FARP1: variants seen among roughly 807,000 people sequenced by gnomAD.
FARP1 encodes FERM, ARH/RhoGEF and pleckstrin domain protein 1.
In FARP1, 52 loss-of-function variants were observed where a neutral mutation model predicts 128.8. The observed-to-expected ratio is 0.40, with a 90% confidence interval of 0.32 to 0.51. The LOEUF is 0.51. FARP1 is among the 20% of genes least tolerant of loss of function. FARP1 has a pLI of 0.45. For synonymous variants in FARP1, 580 were observed against 551.8 expected (o/e 1.05, Z -0.72); for missense variants, 1,333 against 1,367.9 (o/e 0.97, Z 0.40).
At chr13:98,206,451 CT>C (rs1169392358) in intron 1 of FARP1, among the ~76,000 whole-genome samples, 1 of 152,184 alleles carries the variant, frequency 6.6e-6, no homozygotes, top group Non-Finnish European at 1.5e-5. Context: ...GACTGGTTTG[CT>C]GCTTATTTGA....
intron 2 of FARP1, among the ~76,000 whole-genome samples, chr13:98,283,737 A>G (rs1290165624): frequency 6.6e-6 from 1 of 152,220 alleles, no homozygotes; most frequent in Admixed American, 6.5e-5. Context: ...GTTAGTTTAT[A>G]TATCTCTGCA....
chr13:98,396,212 G>C (rs1211553529), intron 13 of FARP1: 1 of 399,136 alleles, frequency 2.5e-6, no homozygotes, highest in Middle Eastern at 6.3e-4. Flanking sequence ...CCCCCCATGG[G>C]TGCAGCCTCT....
chr13:98,442,844 T>C (rs1199047683), intron 24 of FARP1, among the ~76,000 whole-genome samples: 6 of 152,372 alleles, frequency 3.9e-5, no homozygotes, highest in Non-Finnish European at 7.3e-5. Flanking sequence ...TTGGCCTTGC[T>C]TCGTCCTGAC....
intron 16 of FARP1, among the ~76,000 whole-genome samples, chr13:98,420,537 G>A (rs950370010): frequency 5.9e-5 from 9 of 152,178 alleles, no homozygotes; most frequent in Non-Finnish European, 8.8e-5. Flanking sequence ...TGTGTGTTGC[G>A]TCCTTTGCTG....
intron 2 of FARP1, among the ~76,000 whole-genome samples, chr13:98,304,632 C>G (rs747973896): frequency 6.6e-6 from 1 of 152,178 alleles, no homozygotes; most frequent in East Asian, 1.9e-4. Flanking sequence ...TTCTTGCAGG[C>G]GGGCAGGTGC....
At chr13:98,253,806 G>A (rs1245250855) in intron 2 of FARP1, among the ~76,000 whole-genome samples, 1 of 152,170 alleles carries the variant, frequency 6.6e-6, no homozygotes, top group Non-Finnish European at 1.5e-5. Context: ...GGGCCATGTG[G>A]TTAGTTTTAG....
chr13:98,391,614 C>T (rs1205447229), intron 11 of FARP1, among the ~76,000 whole-genome samples: 4 of 152,222 alleles, frequency 2.6e-5, no homozygotes, highest in Non-Finnish European at 1.5e-5. Context: ...TGTTATCAAA[C>T]ACTTGTAGCC....
chr13:98,165,710 G>GTTTTTTTTTT (rs71111927), intron 1 of FARP1, among the ~76,000 whole-genome samples: 38 of 74,120 alleles, frequency 5.1e-4, no homozygotes, highest in Non-Finnish European at 6.8e-4. Flanking sequence ...TCCAGAAGGG[G>GTTTTTTTTTT]TTTTTTTTTT....
At chr13:98,367,823 G>A (rs1271047596) in intron 4 of FARP1, among the ~76,000 whole-genome samples, 1 of 152,158 alleles carries the variant, frequency 6.6e-6, no homozygotes, top group Non-Finnish European at 1.5e-5. Flanking sequence ...GAAGACAAAT[G>A]ACTTTATTTT....
chr13:98,433,300 C>A (rs181423576), intron 18 of FARP1: 2 of 152,110 alleles, frequency 1.3e-5, no homozygotes, highest in Non-Finnish European at 2.9e-5. Flanking sequence ...ATGGCGGACT[C>A]CTACAAATTA....
At position 98,448,507 on chromosome 13, in the gene FARP1, C is replaced by T. The variant is rs1327320640; in HGVS notation, c.*190C>T. 1 of 585,686 alleles carries T rather than the reference C, an allele frequency of 1.7e-6. No homozygotes were observed. The highest frequency in any genetic ancestry group is 2.9e-5 in the East Asian group (1 of 34,712). 36.3% of individuals were successfully genotyped at this position (585,686 alleles called of 1,614,324 possible). On this transcript the variant is annotated 3_prime_UTR_variant, in exon 27 of 27. Transcript: ENST00000319562. ...AGCGTCTGAATGAACAGCGCTCCCA[C>T]CTCCAGTCCTGGCATCCGCTGGGGG...
chr13:98,410,817 C>T lies in FARP1; in HGVS notation c.1686C>T (p.Ile562=), dbSNP rs1280754311. ...ERTYLKDLEV[I]TSWFQSTVSK... ...CATATCTGAAGGATCTCGAAGTTATCACTTCGGTATGTGCAGTATTTCCCC... is the reference window on the plus strand; with the variant it reads ...CATATCTGAAGGATCTCGAAGTTATTACTTCGGTATGTGCAGTATTTCCCC... The change falls in exon 15 of 27, where the codon ATC becomes ATT. Residue 562 remains isoleucine, a synonymous_variant. Transcript: ENST00000319562. The T allele has an allele frequency of 1.8e-5, 27 of 1,541,522 alleles. No individual in the cohort carries two copies. Among genetic ancestry groups the T allele is most frequent in the African/African-American group, 2.7e-5 (2 of 73,628 alleles).
rs114583447 is a variant in FARP1 at position 98,261,807 on chromosome 13, T to C, written c.171+48394T>C. Among the ~76,000 whole-genome samples, 203 of 152,256 alleles carry C rather than the reference T, an allele frequency of 1.3e-3. 1 individual carries two copies. The highest frequency in any genetic ancestry group is 4.6e-3 in the African/African-American group (192 of 41,554). On this transcript the variant is annotated intron_variant, in intron 2 of 26. Transcript: ENST00000319562. ...TACAACCAACACTCTCCTGAGCTAA[T>C]AGAGCGAGAACTCACTGTTGCTGTG...
rs543225252 is a variant in FARP1 at position 98,267,482 on chromosome 13, T to C, written c.171+54069T>C. On this transcript the variant is annotated intron_variant, in intron 2 of 26. Coordinates refer to ENST00000319562, the MANE Select transcript of FARP1 (RefSeq NM_005766.4). ...TGCTGTGGTTGGGGGTTGCAGACGCTCCCACCCCCCCATATCCTTCCCAAG... is the reference window on the plus strand; with the variant it reads ...TGCTGTGGTTGGGGGTTGCAGACGCCCCCACCCCCCCATATCCTTCCCAAG... Among the ~76,000 whole-genome samples the C allele has an allele frequency of 6.6e-5, 10 of 152,294 alleles. No individual in the cohort carries two copies. In the East Asian group the frequency reaches 1.7e-3, roughly 26 times the overall value.
intron 12 of FARP1, among the ~76,000 whole-genome samples, chr13:98,393,946 C>T (rs1221917557): frequency 6.6e-6 from 1 of 152,214 alleles, no homozygotes; most frequent in Non-Finnish European, 1.5e-5. Context: ...GCTGCCTTCT[C>T]ATCTCCCATG....
In FARP1 at chr13:98,286,802, A is replaced by C. The variant is rs535872102; in HGVS notation, c.172-56960A>C. On this transcript the variant is annotated intron_variant, in intron 2 of 26. Transcript: ENST00000319562. ...AGGCACTTCTTCTTGTTGTTGTTTAAAGAAATTAGCTTTTATAAATAAAAA... is the reference window on the plus strand; with the variant it reads ...AGGCACTTCTTCTTGTTGTTGTTTACAGAAATTAGCTTTTATAAATAAAAA... Among the ~76,000 whole-genome samples, 24 of 152,326 alleles carry C rather than the reference A, an allele frequency of 1.6e-4. No individual in the cohort carries two copies. In the East Asian group the frequency reaches 4.2e-3, roughly 27 times the overall value.
chr13:98,147,226 T>G (rs538176528), intron 1 of FARP1, among the ~76,000 whole-genome samples: 46 of 152,326 alleles, frequency 3.0e-4, no homozygotes, highest in Non-Finnish European at 4.1e-4. Flanking sequence ...TACTAAAATA[T>G]CATGCTCGAA....
At chr13:98,376,262 A>G (rs1430943854) in intron 5 of FARP1, among the ~76,000 whole-genome samples, 2 of 152,192 alleles carry the variant, frequency 1.3e-5, no homozygotes, top group Admixed American at 6.5e-5. Context: ...CCCATTAACT[A>G]TCCCCACTCC....
Position 98,143,664 on chromosome 13 carries a change from T to TCGGGCCCGGG in FARP1, c.-24+174_-24+183dup, listed in dbSNP as rs1158794179. Among the ~76,000 whole-genome samples, 601 of 150,988 alleles carry TCGGGCCCGGG rather than the reference T, an allele frequency of 4.0e-3. 1 individual carries two copies. The highest frequency in any genetic ancestry group is 5.8e-3 in the Non-Finnish European group (393 of 67,576). Reference sequence around the variant, plus strand: ...CTGCCCTGCGCAGTCGGGCGGCGGGTCGGGCCCGGGCAGCCCCGGCCACCA... The same window carrying TCGGGCCCGGG: ...CTGCCCTGCGCAGTCGGGCGGCGGGTCGGGCCCGGGCGGGCCCGGGCAGCCCCGGCCACCA... On this transcript the variant is annotated intron_variant, in intron 1 of 26. Coordinates refer to ENST00000319562, the MANE Select transcript of FARP1 (RefSeq NM_005766.4).
Sources: allele counts gnomAD v4.1 joint callset (sites outside exome capture counted in the v4.1 genomes callset), GRCh38; gene constraint gnomAD v4.1.1; transcripts MANE v1.5; gene names NCBI Gene and HGNC (gene_info 2026-07-23, HGNC 2026-07-21).